CHN2: variants seen among roughly 807,000 people sequenced by gnomAD.
CHN2 encodes beta-chimaerin.
Under a neutral mutation model 56.3 loss-of-function variants are expected in CHN2, and 35 were observed. The ratio of observed to expected loss-of-function variants is 0.62; its 90% confidence interval spans 0.47 to 0.82. The LOEUF is 0.82. Ranked by LOEUF, CHN2 falls within the 40% of genes least tolerant of loss-of-function variation. The probability of loss-of-function intolerance (pLI) is 0.00; values close to 1 mark genes in which losing one functional copy is unlikely to be tolerated. For missense variants in CHN2, 491 were observed against 580.5 expected (o/e 0.85, Z 1.58); for synonymous variants, 210 against 212.8 (o/e 0.99, Z 0.12).
intron 1 of CHN2, among the ~76,000 whole-genome samples, chr7:29,316,664 A>G (rs1015080396): frequency 3.9e-5 from 6 of 152,236 alleles, no homozygotes; most frequent in Non-Finnish European, 7.3e-5. Context: ...GAATGTAGCT[A>G]GAGCTGCTGC....
chr7:29,433,868 G>GGGGAGGAAGGGAGGAA (rs57306490), intron 6 of CHN2, among the ~76,000 whole-genome samples: 7 of 146,492 alleles, frequency 4.8e-5, no homozygotes, highest in African/African-American at 7.7e-5. Context: ...GAAGGGAGAG[G>GGGGAGGAAGGGAGGAA]GGGAGGAAGG....
At chr7:29,216,589 C>G (rs990397258) in intron 1 of CHN2, among the ~76,000 whole-genome samples, 3 of 152,214 alleles carry the variant, frequency 2.0e-5, no homozygotes, top group African/African-American at 7.2e-5. Flanking sequence ...TGAGGCTGAG[C>G]TCTTCTCTCT....
chr7:29,212,186 C>T lies in CHN2; in HGVS notation c.49+17196C>T, dbSNP rs1785006973. 2.1e-5 allele frequency: 13 copies of T among 606,886 alleles called. No homozygotes were observed. In the South Asian group the frequency reaches 2.8e-4, roughly 13 times the overall value. 37.6% of individuals were successfully genotyped at this position (606,886 alleles called of 1,614,324 possible). On this transcript the variant is annotated intron_variant, in intron 1 of 12. Coordinates refer to ENST00000222792, the MANE Select transcript of CHN2 (RefSeq NM_004067.4). ...CTCACTTCATCCCAACTTCTTGATA[C>T]TTTTGCTTCTGGAAGTCATATTTCT...
intron 2 of CHN2, 127 bp downstream of exon 2, chr7:29,354,790 T>C: frequency 1.3e-6 from 1 of 785,616 alleles, no homozygotes; most frequent in East Asian, 2.6e-5. Context: ...AAATCTTTCT[T>C]TCCACTGAGG....
In CHN2 at chr7:29,478,420, G is replaced by A. The variant is rs531455567; in HGVS notation, c.577-1859G>A. ...TTGTTGTAGAGCGATGTGTAAGGTG[G>A]ACTGGAGAGATAACAAGGGTCTGAG... On this transcript the variant is annotated intron_variant, in intron 6 of 12. Transcript: ENST00000222792. Among the ~76,000 whole-genome samples, 3 of 152,270 alleles carry A rather than the reference G, an allele frequency of 2.0e-5. No homozygotes were observed. In the South Asian group the frequency reaches 6.2e-4, roughly 32 times the overall value.
At chr7:29,451,037 G>A (rs889365608) in intron 6 of CHN2, among the ~76,000 whole-genome samples, 3 of 152,092 alleles carry the variant, frequency 2.0e-5, no homozygotes, top group Admixed American at 1.3e-4. Flanking sequence ...CCAAAGTGCT[G>A]GGATTATAGG....
intron 2 of CHN2, among the ~76,000 whole-genome samples, chr7:29,152,100 A>G (rs920286735): frequency 6.6e-6 from 1 of 152,234 alleles, no homozygotes; most frequent in Non-Finnish European, 1.5e-5. Context: ...TGGGTTATCT[A>G]GAAAAGTGAC....
At chr7:29,437,659 C>G (rs996380990) in intron 6 of CHN2, among the ~76,000 whole-genome samples, 3 of 151,064 alleles carry the variant, frequency 2.0e-5, no homozygotes, top group Non-Finnish European at 2.9e-5. Flanking sequence ...AATCCAAAAG[C>G]AGCTTCTTCC....
At chr7:29,205,260 C>G (rs1784436505) in intron 1 of CHN2, among the ~76,000 whole-genome samples, 1 of 152,146 alleles carries the variant, frequency 6.6e-6, no homozygotes, top group South Asian at 2.1e-4. Context: ...ATTTAACTCT[C>G]TGAAACTTAT....
At chr7:29,208,664 A>G (rs1204192527) in intron 1 of CHN2, 1 of 152,150 alleles carries the variant, frequency 6.6e-6, no homozygotes, top group Non-Finnish European at 1.5e-5. Flanking sequence ...CCTGCTGTTC[A>G]CTCAAACTTT....
intron 1 of CHN2, among the ~76,000 whole-genome samples, chr7:29,249,507 C>T (rs1788323631): frequency 6.6e-6 from 1 of 152,236 alleles, no homozygotes; most frequent in Admixed American, 6.5e-5. Flanking sequence ...CTAGAAACAC[C>T]TTCACAGACA....
intron 1 of CHN2, among the ~76,000 whole-genome samples, chr7:29,338,985 C>G (rs1453926559): frequency 6.6e-5 from 10 of 152,300 alleles, no homozygotes; most frequent in Admixed American, 3.9e-4. Flanking sequence ...TCAAAATTAT[C>G]TTTCACAAAA....
chr7:29,317,051 T>C (rs1241858136), intron 1 of CHN2, among the ~76,000 whole-genome samples: 1 of 152,240 alleles, frequency 6.6e-6, no homozygotes, highest in Admixed American at 6.5e-5. Flanking sequence ...TGCACAATCA[T>C]GATAAGTAAC....
intron 6 of CHN2, among the ~76,000 whole-genome samples, chr7:29,403,806 T>A (rs1449647983): frequency 6.6e-6 from 1 of 152,246 alleles, no homozygotes; most frequent in Non-Finnish European, 1.5e-5. Flanking sequence ...TCACATCCAG[T>A]GTCATTTCTT....
intron 3 of CHN2, among the ~76,000 whole-genome samples, chr7:29,377,656 G>C (rs62459636): frequency 0.81 from 122,336 of 151,492 alleles, 49,453 homozygotes; most frequent in Non-Finnish European, 0.84. Flanking sequence ...GGTGGTTTGG[G>C]CAAGGCCCAC....
At chr7:29,460,842 A>G (rs1000076070) in intron 6 of CHN2, among the ~76,000 whole-genome samples, 4 of 151,990 alleles carry the variant, frequency 2.6e-5, no homozygotes, top group African/African-American at 9.7e-5. Context: ...TTCTGAGGCA[A>G]CTCCTTTGCT....
chr7:29,464,841 AAGGTTTTG>A (rs1207597551), intron 6 of CHN2, among the ~76,000 whole-genome samples: 9 of 152,184 alleles, frequency 5.9e-5, no homozygotes, highest in Non-Finnish European at 1.2e-4. Context: ...GCTGAATGTG[AAGGTTTTG>A]AGCCCATGGA....
chr7:29,252,585 T>TTTTTTTGTTTTGTTTTG (rs1554378177), intron 1 of CHN2, among the ~76,000 whole-genome samples: 665 of 23,056 alleles, frequency 0.029, 51 homozygotes, highest in East Asian at 0.13. Context: ...TTTGTTTTTT[T>TTTTTTTGTTTTGTTTTG]TTTTTTTTTT....
intron 1 of CHN2, 103 bp downstream of exon 1, chr7:29,195,093 C>A: frequency 7.7e-7 from 1 of 1,299,630 alleles, no homozygotes; most frequent in South Asian, 1.4e-5. Context: ...CCATCCCGCC[C>A]GCTCTCTCGG....
Sources: gnomAD v4.1 joint callset for allele counts (sites outside exome capture counted in the v4.1 genomes callset) on GRCh38, gnomAD v4.1.1 for gene constraint, MANE v1.5 for transcripts, NCBI Gene and HGNC (gene_info 2026-07-23, HGNC 2026-07-21) for gene names.